The following GDPD5 variants were observed in gnomAD, a reference collection of about 807,000 sequenced individuals.
The protein encoded by GDPD5 is glycerophosphodiester phosphodiesterase 2.
A neutral mutation model predicts 75.1 loss-of-function variants in GDPD5; 48 were observed. The observed-to-expected ratio is 0.64, with a 90% CI of 0.51 to 0.81. The LOEUF (loss-of-function observed/expected upper bound fraction) is 0.81. Ranked by LOEUF, GDPD5 falls within the 40% of genes least tolerant of loss-of-function variation. GDPD5 has a pLI of 0.00. For synonymous variants in GDPD5, 336 were observed against 339.0 expected (o/e 0.99, Z 0.10); for missense variants, 706 against 822.6 (o/e 0.86, Z 1.73).
At chr11:75,485,552 C>CA (rs61294681) in intron 2 of GDPD5, 1 of 147,902 alleles carries the variant, frequency 6.8e-6, no homozygotes, top group Non-Finnish European at 1.5e-5. Context: ...CACACACACA[C>CA]GTGTGCACCC....
Position 75,525,504 on chromosome 11 carries a change from C to T in GDPD5, c.-439G>A. 6.5e-6 allele frequency: 1 copy of T among 152,688 alleles called. No homozygotes were observed. Among genetic ancestry groups the T allele is most frequent in the Non-Finnish European group, 1.5e-5 (1 of 68,318 alleles). 9.5% of individuals were successfully genotyped at this position (152,688 alleles called of 1,614,324 possible). ...GGTCCCGTGCACCGGAGGCGAGGGC[C>T]TGGGGCCACACTGCGCTAGCCCTGG... On this transcript the variant is annotated 5_prime_UTR_variant, in exon 1 of 17. Coordinates refer to ENST00000336898, the MANE Select transcript of GDPD5 (RefSeq NM_030792.8).
intron 1 of GDPD5, among the ~76,000 whole-genome samples, chr11:75,521,530 T>C (rs1247582900): frequency 6.6e-6 from 1 of 152,208 alleles, no homozygotes; most frequent in African/African-American, 2.4e-5. Context: ...TAGCACATTG[T>C]CTGGCTCATA....
chr11:75,436,869 G>T, intron 16 of GDPD5, 67 bp downstream of exon 16: 1 of 1,183,914 alleles, frequency 8.4e-7, no homozygotes, highest in Non-Finnish European at 1.3e-6. Flanking sequence ...ATACACATCT[G>T]TTTGCATGTG....
At chr11:75,452,410 C>G (rs561648331) in intron 6 of GDPD5, 1 of 152,192 alleles carries the variant, frequency 6.6e-6, no homozygotes, top group African/African-American at 2.4e-5. Context: ...CTTAGTACAA[C>G]GGCTGGCCAG....
intron 1 of GDPD5, among the ~76,000 whole-genome samples, chr11:75,493,263 A>ACACACACACAC (rs58709783): frequency 2.0e-5 from 3 of 151,438 alleles, no homozygotes; most frequent in African/African-American, 7.3e-5. Flanking sequence ...ACACACACAC[A>ACACACACACAC]AATAAATTCA....
chr11:75,489,636 A>G (rs1415381794), intron 2 of GDPD5, among the ~76,000 whole-genome samples: 1 of 152,212 alleles, frequency 6.6e-6, no homozygotes. Context: ...GTGGAAGCCC[A>G]TTCAACCCTC....
intron 6 of GDPD5, among the ~76,000 whole-genome samples, chr11:75,456,075 T>C (rs1226815503): frequency 6.6e-6 from 1 of 151,830 alleles, no homozygotes; most frequent in Non-Finnish European, 1.5e-5. Context: ...CCTGTGTATG[T>C]AGGGGAGGTA....
In GDPD5 at chr11:75,443,217, G is replaced by A. The variant is rs1948879619; in HGVS notation, c.867C>T (p.Phe289=). ...LRRTTNVEEE[F]PELARRPASM... ...AGGCAGGCCTGCGGGCCAGCTCCGG[G>A]AACTCCTCCTCCACGTTGGTGGTGC... Residue 289 remains phenylalanine, a synonymous_variant, in exon 11 of 17, where the codon TTC becomes TTT. Transcript: ENST00000336898. 3 of 1,607,320 alleles carry A rather than the reference G, an allele frequency of 1.9e-6. No homozygotes were observed. Among genetic ancestry groups the A allele is most frequent in the East Asian group, 2.2e-5 (1 of 44,622 alleles).
At chr11:75,470,995 G>A (rs977860138) in intron 3 of GDPD5, among the ~76,000 whole-genome samples, 4 of 152,146 alleles carry the variant, frequency 2.6e-5, no homozygotes, top group South Asian at 2.1e-4. Context: ...CTTCTTTGAG[G>A]TCCCAGAGCC....
intron 5 of GDPD5, among the ~76,000 whole-genome samples, 161 bp downstream of exon 5, chr11:75,457,532 T>C (rs1949309774): frequency 6.6e-6 from 1 of 152,244 alleles, no homozygotes; most frequent in African/African-American, 2.4e-5. Context: ...CTTTCTGTAT[T>C]TTTGATTACT....
Position 75,448,959 on chromosome 11 carries a change from C to A in GDPD5, c.714+18G>T. The A allele has an allele frequency of 1.3e-6, 2 of 1,552,220 alleles. No individual in the cohort carries two copies. Among genetic ancestry groups the A allele is most frequent in the Non-Finnish European group, 1.7e-6 (2 of 1,159,714 alleles). ...CCCCACCCCAACGGGGCTGTTAGGA[C>A]CCTGAGGTGGCACTCACCATGGGGG... On this transcript the variant is annotated intron_variant, in intron 9 of 16. Transcript: ENST00000336898.
intron 16 of GDPD5, 57 bp downstream of exon 16, chr11:75,436,878 TG>T (rs1565176114): frequency 7.9e-7 from 1 of 1,260,136 alleles, no homozygotes. Flanking sequence ...TGTTTGCATG[TG>T]GGGGTGCAGA....
At chr11:75,466,495 C>A (rs1357119648) in intron 3 of GDPD5, among the ~76,000 whole-genome samples, 2 of 152,142 alleles carry the variant, frequency 1.3e-5, no homozygotes, top group South Asian at 2.1e-4. Flanking sequence ...CCGCTCCACC[C>A]ATTAGCAAGC....
At chr11:75,478,138 T>C (rs1407825365) in intron 2 of GDPD5, among the ~76,000 whole-genome samples, 2 of 152,184 alleles carry the variant, frequency 1.3e-5, no homozygotes, top group African/African-American at 4.8e-5. Flanking sequence ...TCTTCAGGTC[T>C]TAGCTCAAAT....
intron 3 of GDPD5, among the ~76,000 whole-genome samples, chr11:75,464,683 G>T (rs747382227): frequency 6.6e-6 from 1 of 152,178 alleles, no homozygotes; most frequent in African/African-American, 2.4e-5. Context: ...TTTCTAGCAG[G>T]TTTAGGCTTG....
intron 3 of GDPD5, among the ~76,000 whole-genome samples, chr11:75,470,698 AT>A (rs1332299879): frequency 1.1e-4 from 17 of 152,372 alleles, no homozygotes; most frequent in Non-Finnish European, 2.2e-4. Flanking sequence ...AATTTTAAAA[AT>A]AGAAAAAAAT....
intron 2 of GDPD5, among the ~76,000 whole-genome samples, chr11:75,478,045 C>T (rs959727757): frequency 2.0e-5 from 3 of 152,234 alleles, no homozygotes; most frequent in Admixed American, 2.0e-4. Flanking sequence ...ATGTTCTTCA[C>T]TGGCCTAGCA....
At chr11:75,435,724 G>T in intron 16 of GDPD5, 69 bp from the exon 17 acceptor site, 2 of 1,484,328 alleles carry the variant, frequency 1.3e-6, no homozygotes, top group Non-Finnish European at 1.8e-6. Context: ...TGACAGATGG[G>T]GCAGGAAGGC....
chr11:75,497,620 T>G (rs1052318476), intron 1 of GDPD5, among the ~76,000 whole-genome samples: 1 of 152,198 alleles, frequency 6.6e-6, no homozygotes, highest in Admixed American at 6.5e-5. Context: ...AGTAAAACTG[T>G]ACTTATCTGA....
Sources: allele counts gnomAD v4.1 joint callset (sites outside exome capture counted in the v4.1 genomes callset), GRCh38; gene constraint gnomAD v4.1.1; transcripts MANE v1.5; gene names NCBI Gene and HGNC (gene_info 2026-07-23, HGNC 2026-07-21).